The following CPA6 variants were observed in gnomAD, a reference collection of about 807,000 sequenced individuals.
The protein encoded by CPA6 is carboxypeptidase A6, also known as carboxypeptidase B.
In CPA6, 58 loss-of-function variants were observed where a neutral mutation model predicts 63.3. The observed-to-expected ratio is 0.92, with a 90% CI of 0.74 to 1.14. CPA6 has a LOEUF of 1.14. Ranked by LOEUF, CPA6 falls within the 50% of genes most tolerant of loss-of-function variation. CPA6 has a pLI of 0.00. For missense variants in CPA6, 565 were observed against 526.6 expected (o/e 1.07, Z -0.71); for synonymous variants, 185 against 179.0 (o/e 1.03, Z -0.27).
intron 1 of CPA6, among the ~76,000 whole-genome samples, chr8:67,728,086 A>G (rs1231313809): frequency 2.0e-5 from 3 of 151,112 alleles, no homozygotes; most frequent in African/African-American, 7.3e-5. Flanking sequence ...TCAAAAAAAA[A>G]AAAAACAAAA....
intron 8 of CPA6, among the ~76,000 whole-genome samples, chr8:67,461,315 C>T (rs1281645480): frequency 6.9e-6 from 1 of 145,212 alleles, no homozygotes; most frequent in Non-Finnish European, 1.5e-5. Flanking sequence ...CATCTTGCAC[C>T]GCCCTTAATC....
At chr8:67,518,752 C>T (rs1249014809) in intron 2 of CPA6, among the ~76,000 whole-genome samples, 1 of 151,972 alleles carries the variant, frequency 6.6e-6, no homozygotes, top group African/African-American at 2.4e-5. Context: ...CTCAAGTGAT[C>T]CACCCTTCTT....
chr8:67,651,815 A>C (rs1815845550), intron 1 of CPA6, among the ~76,000 whole-genome samples: 1 of 152,092 alleles, frequency 6.6e-6, no homozygotes, highest in African/African-American at 2.4e-5. Flanking sequence ...ATATGTATAC[A>C]TGCGCCATGT....
At chr8:67,649,141 C>T (rs1815780583) in intron 1 of CPA6, among the ~76,000 whole-genome samples, 1 of 151,844 alleles carries the variant, frequency 6.6e-6, no homozygotes, top group African/African-American at 2.4e-5. Context: ...AATAACTGCA[C>T]AAAACCTTAA....
intron 8 of CPA6, among the ~76,000 whole-genome samples, chr8:67,440,719 T>A (rs1456087106): frequency 6.6e-6 from 1 of 152,208 alleles, no homozygotes; most frequent in African/African-American, 2.4e-5. Flanking sequence ...ATCATTCTAC[T>A]AGATACTATA....
intron 2 of CPA6, among the ~76,000 whole-genome samples, chr8:67,563,384 G>T (rs188732319): frequency 6.6e-6 from 1 of 152,146 alleles, no homozygotes; most frequent in Non-Finnish European, 1.5e-5. Context: ...TGTATTAAGT[G>T]AGATCATATA....
chr8:67,439,875 C>A (rs1308107187), intron 8 of CPA6, among the ~76,000 whole-genome samples: 5 of 152,058 alleles, frequency 3.3e-5, no homozygotes, highest in Admixed American at 2.6e-4. Flanking sequence ...ATCCTTCCAC[C>A]TTAGATTCCC....
At chr8:67,528,442 A>C (rs1384481314) in intron 2 of CPA6, among the ~76,000 whole-genome samples, 1 of 152,098 alleles carries the variant, frequency 6.6e-6, no homozygotes, top group Non-Finnish European at 1.5e-5. Flanking sequence ...GCAGTTATAT[A>C]AATTCCACTA....
At chr8:67,486,912 CT>C (rs1370829021) in intron 6 of CPA6, among the ~76,000 whole-genome samples, 1 of 151,376 alleles carries the variant, frequency 6.6e-6, no homozygotes, top group East Asian at 1.9e-4. Flanking sequence ...GTCACCCAGG[CT>C]GGAGTGCAGT....
chr8:67,456,718 T>A (rs1810684667), intron 8 of CPA6, among the ~76,000 whole-genome samples: 1 of 152,170 alleles, frequency 6.6e-6, no homozygotes. Context: ...AAACTGTGAC[T>A]GTTAAATGGA....
At chr8:67,627,310 G>A (rs1815214440) in intron 1 of CPA6, among the ~76,000 whole-genome samples, 1 of 152,192 alleles carries the variant, frequency 6.6e-6, no homozygotes, top group African/African-American at 2.4e-5. Flanking sequence ...GTTTTTTGAA[G>A]TGGTGAGTAA....
intron 2 of CPA6, among the ~76,000 whole-genome samples, chr8:67,568,751 T>A (rs1028119358): frequency 1.3e-5 from 2 of 152,198 alleles, no homozygotes; most frequent in Non-Finnish European, 2.9e-5. Context: ...AGTTTTTTTT[T>A]ATTACTTATT....
intron 1 of CPA6, among the ~76,000 whole-genome samples, chr8:67,686,403 G>T (rs1816709622): frequency 6.6e-6 from 1 of 152,068 alleles, no homozygotes; most frequent in African/African-American, 2.4e-5. Context: ...TATAAAACCT[G>T]GTTCCGCATA....
intron 2 of CPA6, among the ~76,000 whole-genome samples, chr8:67,567,406 T>C (rs1478730285): frequency 2.0e-5 from 3 of 152,248 alleles, no homozygotes; most frequent in Admixed American, 2.0e-4. Flanking sequence ...ATTACTCTTA[T>C]ATGGCAATCA....
At chr8:67,654,312 A>T (rs1210234290) in intron 1 of CPA6, among the ~76,000 whole-genome samples, 1 of 152,220 alleles carries the variant, frequency 6.6e-6, no homozygotes, top group African/African-American at 2.4e-5. Context: ...TGGTTTCAGA[A>T]GGAATGGTAC....
chr8:67,592,239 A>G (rs1814149506), intron 2 of CPA6, among the ~76,000 whole-genome samples: 2 of 152,206 alleles, frequency 1.3e-5, no homozygotes, highest in Non-Finnish European at 2.9e-5. Context: ...GATGAAGCCC[A>G]CTTGATCATG....
intron 6 of CPA6, among the ~76,000 whole-genome samples, chr8:67,501,279 T>C (rs1811825718): frequency 6.6e-6 from 1 of 152,176 alleles, no homozygotes; most frequent in Non-Finnish European, 1.5e-5. Context: ...TGTACATGTT[T>C]TGCTGGATTT....
At chr8:67,697,969 A>C (rs1034193268) in intron 1 of CPA6, among the ~76,000 whole-genome samples, 1 of 152,222 alleles carries the variant, frequency 6.6e-6, no homozygotes, top group Non-Finnish European at 1.5e-5. Flanking sequence ...GCTAAAAACT[A>C]TAAAACGGAA....
At chr8:67,645,344 A>G (rs546822651) in intron 1 of CPA6, among the ~76,000 whole-genome samples, 2 of 152,338 alleles carry the variant, frequency 1.3e-5, no homozygotes, top group Admixed American at 1.3e-4. Flanking sequence ...TTGCTCCTGA[A>G]GGTGAGTGCC....
Sources: gnomAD v4.1 joint callset for allele counts (sites outside exome capture counted in the v4.1 genomes callset) on GRCh38, gnomAD v4.1.1 for gene constraint, MANE v1.5 for transcripts, NCBI Gene and HGNC (gene_info 2026-07-23, HGNC 2026-07-21) for gene names.